The following SNAI3 variants were observed in gnomAD, a reference collection of about 807,000 sequenced individuals.
SNAI3 encodes the protein zinc finger protein SNAI3.
Under a neutral mutation model 16.4 loss-of-function variants are expected in SNAI3, and 21 were observed. The ratio of observed to expected loss-of-function variants is 1.28; its 90% confidence interval spans 0.91 to 1.85. SNAI3 has a LOEUF of 1.85. Among genes scored for constraint, SNAI3 ranks in the 40% most tolerant of loss-of-function variants. SNAI3 has a pLI of 0.00. For synonymous variants in SNAI3, 202 were observed against 166.6 expected (o/e 1.21, Z -1.64); for missense variants, 457 against 372.8 (o/e 1.23, Z -1.86).
chr16:88,681,084 C>T lies in SNAI3; in HGVS notation c.697+10G>A, dbSNP rs1180873638. 2 of 1,600,512 alleles carry T rather than the reference C, an allele frequency of 1.2e-6. No homozygotes were observed. Among genetic ancestry groups the T allele is most frequent in the Non-Finnish European group, 1.7e-6 (2 of 1,169,954 alleles). ...CCAGACCGTCCTTGCAGACCTTCAC[C>T]CTGTCCTACCTGTGTGGGTGCGGAC... On this transcript the variant is annotated intron_variant, in intron 2 of 2. Transcript: ENST00000332281. The surrounding 1 kb of genome is among the most constrained non-coding windows in gnomAD (Gnocchi z 5.4).
Position 88,681,535 on chromosome 16 carries a change from C to G in SNAI3, c.256G>C (p.Asp86His). ...TCGACCTCGCTGACTTCCAAGGCGT[C>G]CAGCCCAGAGGCCCCCAGAGCTTCC... ...IEEALGASGL[D>H]ALEVSEVDPR... The change falls in exon 2 of 3, where the codon GAC becomes CAC. Residue 86 changes from aspartate to histidine, a missense_variant. Transcript: ENST00000332281. The surrounding 1 kb of genome is among the most constrained non-coding windows in gnomAD (Gnocchi z 5.4). 1 of 1,525,036 alleles carries G rather than the reference C, an allele frequency of 6.6e-7. No individual in the cohort carries two copies. Among genetic ancestry groups the G allele is most frequent in the South Asian group, 1.3e-5 (1 of 77,484 alleles). 94.5% of individuals were successfully genotyped at this position (1,525,036 alleles called of 1,614,324 possible). A position where few individuals can be genotyped will look rare whatever the true frequency, so the allele number is the denominator to read the frequency against.
At chr16:88,684,070 TCCTGA>T (rs1170085730) in intron 1 of SNAI3, among the ~76,000 whole-genome samples, 1 of 152,264 alleles carries the variant, frequency 6.6e-6, no homozygotes, top group East Asian at 1.9e-4. Context: ...TGCCACTCTC[TCCTGA>T]CCTGACCTCC....
At position 88,681,635 on chromosome 16, in the gene SNAI3, G is replaced by T; in HGVS notation, c.156C>A (p.Pro52=). Residue 52 remains proline, a synonymous_variant, in exon 2 of 3, where the codon CCC becomes CCA. Transcript: ENST00000332281. The surrounding 1 kb of genome is among the most constrained non-coding windows in gnomAD (Gnocchi z 5.4). Reference sequence around the variant, plus strand: ...GGTCCCAGGGCTGGGGAAGGTCACCGGGCACAGAAGGGGCCTCCTTGTCTC... The same window carrying T: ...GGTCCCAGGGCTGGGGAAGGTCACCTGGCACAGAAGGGGCCTCCTTGTCTC... ...LPRDKEAPSV[P]GDLPQPWDRS... 1 of 1,475,884 alleles carries T rather than the reference G, an allele frequency of 6.8e-7. No homozygotes were observed. Among genetic ancestry groups the T allele is most frequent in the East Asian group, 2.4e-5 (1 of 42,360 alleles). 91.4% of individuals were successfully genotyped at this position (1,475,884 alleles called of 1,614,324 possible).
intron 2 of SNAI3, 130 bp downstream of exon 2, chr16:88,680,964 A>T: frequency 7.4e-7 from 1 of 1,347,860 alleles, no homozygotes; most frequent in Non-Finnish European, 1.0e-6. Context: ...CAGATAAGTC[A>T]AAAGGCAGAA....
intron 1 of SNAI3, 153 bp downstream of exon 1, chr16:88,686,178 C>T (rs1400184198): frequency 2.0e-6 from 2 of 1,021,954 alleles, no homozygotes; most frequent in South Asian, 1.8e-5. Context: ...CACCTCCCTC[C>T]CTGCAGCCGC....
chr16:88,681,511 C>A lies in SNAI3; in HGVS notation c.280G>T (p.Asp94Tyr). 1 of 1,540,714 alleles carries A rather than the reference C, an allele frequency of 6.5e-7. No individual in the cohort carries two copies. Among genetic ancestry groups the A allele is most frequent in the Non-Finnish European group, 8.8e-7 (1 of 1,138,720 alleles). ...ATGGCGGCCCGGCTGGCCCGAGGGT[C>A]GACCTCGCTGACTTCCAAGGCGTCC... Reference protein sequence around the residue: ...GLDALEVSEVDPRASRAAIVP... With the variant: ...GLDALEVSEVYPRASRAAIVP... Residue 94 changes from aspartate to tyrosine, a missense_variant, in exon 2 of 3, where the codon GAC becomes TAC. Coordinates refer to ENST00000332281, the MANE Select transcript of SNAI3 (RefSeq NM_178310.4). This position sits in a 1 kb window ranked among gnomAD's most constrained non-coding sequence, Gnocchi z 5.4.
At chr16:88,682,234 C>G (rs978220046) in intron 1 of SNAI3, among the ~76,000 whole-genome samples, 3 of 152,250 alleles carry the variant, frequency 2.0e-5, no homozygotes, top group African/African-American at 7.2e-5. Flanking sequence ...ACAGTCGCCC[C>G]TCGGGCATCT....
chr16:88,679,568 T>G (rs1053315091), intron 2 of SNAI3, among the ~76,000 whole-genome samples: 1 of 55,130 alleles, frequency 1.8e-5, no homozygotes, highest in African/African-American at 4.9e-5. Flanking sequence ...GAGACCATCC[T>G]GGCTAACATG....
intron 1 of SNAI3, 107 bp downstream of exon 1, chr16:88,686,224 C>T: frequency 7.2e-7 from 1 of 1,383,682 alleles, no homozygotes. Context: ...CTTCTCCTCC[C>T]ACCTGGGACA....
Position 88,686,462 on chromosome 16 carries a change from G to C in SNAI3, c.-56C>G, listed in dbSNP as rs1160912282. The C allele has an allele frequency of 3.2e-6, 5 of 1,585,370 alleles. No homozygotes were observed. Among genetic ancestry groups the C allele is most frequent in the African/African-American group, 1.3e-5 (1 of 74,114 alleles). On this transcript the variant is annotated 5_prime_UTR_variant, in exon 1 of 3. Transcript: ENST00000332281. ...GCTGGGGCGGGAGGGGCGCGCCTGG[G>C]TCCGGACTGCTGCGTCCGCCGGCGC...
At position 88,681,992 on chromosome 16, in the gene SNAI3, G is replaced by C. The variant is rs371020819; in HGVS notation, c.77-278C>G. Among the ~76,000 whole-genome samples the C allele has an allele frequency of 6.6e-6, 1 of 152,086 alleles. No homozygotes were observed. Among genetic ancestry groups the C allele is most frequent in the Admixed American group, 6.5e-5 (1 of 15,280 alleles). ...CTTTAAACACAAAGAAACATCTGAC[G>C]GGACCCTTTGTGTTCAGGAACATGA... On this transcript the variant is annotated intron_variant, in intron 1 of 2. Transcript: ENST00000332281. The surrounding 1 kb of genome is among the most constrained non-coding windows in gnomAD (Gnocchi z 5.4).
chr16:88,686,318 G>T lies in SNAI3; in HGVS notation c.76+13C>A. 6.2e-7 allele frequency: 1 copy of T among 1,609,322 alleles called. No individual in the cohort carries two copies. Among genetic ancestry groups the T allele is most frequent in the Non-Finnish European group, 8.5e-7 (1 of 1,178,454 alleles). The stretch of plus-strand genomic sequence containing the variant: ...GAGTCCCGGCAGGGGCTCGGGGATC[G>T]GGTAGTCAGTACCTCTCTGCGTCTC... On this transcript the variant is annotated intron_variant, in intron 1 of 2. Transcript: ENST00000332281.
In SNAI3 at chr16:88,678,102, G is replaced by A. The variant is rs1323805790; in HGVS notation, c.*346C>T. The A allele has an allele frequency of 4.8e-5, 12 of 247,766 alleles. No individual in the cohort carries two copies. Among genetic ancestry groups the A allele is most frequent in the Middle Eastern group, 1.2e-3 (1 of 824 alleles). 15.3% of individuals were successfully genotyped at this position (247,766 alleles called of 1,614,324 possible). A position where few individuals can be genotyped will look rare whatever the true frequency, so the allele number is the denominator to read the frequency against. On this transcript the variant is annotated 3_prime_UTR_variant, in exon 3 of 3. Transcript: ENST00000332281. Reference sequence around the variant, plus strand: ...TTGCCAGCCATCCGGCGGCAGTGCCGGCCCATGCTGGCGGCCACCTCCCCG... The same window carrying A: ...TTGCCAGCCATCCGGCGGCAGTGCCAGCCCATGCTGGCGGCCACCTCCCCG...
In SNAI3 at chr16:88,686,310, C is replaced by T. The variant is rs763322023; in HGVS notation, c.76+21G>A. On this transcript the variant is annotated intron_variant, in intron 1 of 2. Coordinates refer to ENST00000332281, the MANE Select transcript of SNAI3 (RefSeq NM_178310.4). Reference sequence around the variant, plus strand: ...TCAGGGTCGAGTCCCGGCAGGGGCTCGGGGATCGGGTAGTCAGTACCTCTC... The same window carrying T: ...TCAGGGTCGAGTCCCGGCAGGGGCTTGGGGATCGGGTAGTCAGTACCTCTC... The T allele has an allele frequency of 1.0e-5, 16 of 1,607,850 alleles. No individual in the cohort carries two copies. The South Asian group carries it at 1.3e-4, about 13-fold the overall frequency.
intron 2 of SNAI3, among the ~76,000 whole-genome samples, chr16:88,680,275 ATTTTTTTTTTT>A (rs560411217): frequency 1.8e-4 from 10 of 55,102 alleles, no homozygotes; most frequent in Admixed American, 8.1e-4. Flanking sequence ...TATGTTTTTG[ATTTTTTTTTTT>A]TTTTTTTTTT....
chr16:88,681,796 CCAGTCA>C lies in SNAI3; in HGVS notation c.77-88_77-83del. 3 of 1,302,574 alleles carry C rather than the reference CCAGTCA, an allele frequency of 2.3e-6. No homozygotes were observed. The highest frequency in any genetic ancestry group is 2.0e-6 in the Non-Finnish European group (2 of 1,020,896). 80.7% of individuals were successfully genotyped at this position (1,302,574 alleles called of 1,614,324 possible). A position where few individuals can be genotyped will look rare whatever the true frequency, so the allele number is the denominator to read the frequency against. On this transcript the variant is annotated intron_variant, in intron 1 of 2. Transcript: ENST00000332281. The surrounding 1 kb of genome is among the most constrained non-coding windows in gnomAD (Gnocchi z 5.4). ...TGTTTTCCAACTCTGATTCGTGGAC[CCAGTCA>C]CAGCCCATCAGCAGCCTGGCGTGGG...
chr16:88,678,855 A>G, intron 2 of SNAI3: 1 of 985,420 alleles, frequency 1.0e-6, no homozygotes, highest in South Asian at 4.7e-5. Flanking sequence ...TTGCTGCAGT[A>G]GCCCTCCCGG....
Position 88,681,005 on chromosome 16 carries a change from T to C in SNAI3, c.697+89A>G. ...ATGTGAATGCCCATGCTATTGTTTA[T>C]AAAATCACCCCTCCTCCTTTTCTAA... On this transcript the variant is annotated intron_variant, in intron 2 of 2. Coordinates refer to ENST00000332281, the MANE Select transcript of SNAI3 (RefSeq NM_178310.4). The surrounding 1 kb of genome is among the most constrained non-coding windows in gnomAD (Gnocchi z 5.4). 2 of 1,517,722 alleles carry C rather than the reference T, an allele frequency of 1.3e-6. No homozygotes were observed. Among genetic ancestry groups the C allele is most frequent in the South Asian group, 2.5e-5 (2 of 78,888 alleles). 94.0% of individuals were successfully genotyped at this position (1,517,722 alleles called of 1,614,324 possible). A position where few individuals can be genotyped will look rare whatever the true frequency, so the allele number is the denominator to read the frequency against.
Position 88,681,342 on chromosome 16 carries a change from C to T in SNAI3, c.449G>A (p.Gly150Asp), listed in dbSNP as rs1022293111. The change falls in exon 2 of 3, where the codon GGC becomes GAC. Residue 150 changes from glycine to aspartate, a missense_variant. Physicochemically the swap from Gly to Asp is moderately conservative, Grantham distance 94. Coordinates refer to ENST00000332281, the MANE Select transcript of SNAI3 (RefSeq NM_178310.4). This position sits in a 1 kb window ranked among gnomAD's most constrained non-coding sequence, Gnocchi z 5.4. ...LGAERMPRAP[G>D]GFECFHCHKP... ...GTGGCAGTGGAAGCACTCAAAGCCG[C>T]CCGGGGCTCGGGGCATCCGCTCAGC... 2 of 1,612,930 alleles carry T rather than the reference C, an allele frequency of 1.2e-6. No homozygotes were observed. The highest frequency in any genetic ancestry group is 2.2e-5 in the East Asian group (1 of 44,864).
Sources: gnomAD v4.1 joint callset for allele counts (sites outside exome capture counted in the v4.1 genomes callset) on GRCh38, gnomAD v4.1.1 for gene constraint, Gnocchi (gnomAD v3.1) non-coding constraint, MANE v1.5 for transcripts, NCBI Gene and HGNC (gene_info 2026-07-23, HGNC 2026-07-21) for gene names.